ARFGEF3: variants seen among roughly 807,000 people sequenced by gnomAD.
The protein encoded by ARFGEF3 is brefeldin A-inhibited guanine nucleotide-exchange protein 3.
Under a neutral mutation model 221.7 loss-of-function variants are expected in ARFGEF3, and 96 were observed. That is an observed-to-expected ratio of 0.43 (90% CI 0.37 to 0.51). ARFGEF3 has a LOEUF of 0.51. Among genes scored for constraint, ARFGEF3 ranks in the 20% least tolerant of loss-of-function variants. The pLI, the probability that ARFGEF3 is intolerant of heterozygous loss-of-function variation, is 0.00. For synonymous variants in ARFGEF3, 1,145 were observed against 1,126.8 expected (o/e 1.02, Z -0.32); for missense variants, 2,410 against 2,789.9 (o/e 0.86, Z 3.07).
rs539123151 is a variant in ARFGEF3 at position 138,312,461 on chromosome 6, C to G, written c.4200+951C>G. On this transcript the variant is annotated intron_variant, in intron 25 of 33. Transcript: ENST00000251691. ...TGCCTCCCCCAGGCCCCATATGACG[C>G]GACCCCTGCCCGGCTCCCTTTCCAC... is the stretch of plus-strand genomic sequence containing the variant. Among the ~76,000 whole-genome samples the G allele has an allele frequency of 3.3e-5, 5 of 152,186 alleles. No homozygotes were observed. The East Asian group carries it at 9.7e-4, about 29-fold the overall frequency.
At chr6:138,308,334 G>A (rs1438183421) in intron 23 of ARFGEF3, among the ~76,000 whole-genome samples, 1 of 152,198 alleles carries the variant, frequency 6.6e-6, no homozygotes, top group Non-Finnish European at 1.5e-5. Flanking sequence ...AAGAAAAGTG[G>A]TCTCAGGCCT....
At chr6:138,254,459 C>T (rs1417448308) in intron 9 of ARFGEF3, among the ~76,000 whole-genome samples, 5 of 151,356 alleles carry the variant, frequency 3.3e-5, no homozygotes, top group African/African-American at 4.9e-5. Flanking sequence ...AATAATAGGC[C>T]GGGCCCAATG....
At chr6:138,257,489 A>C (rs1778706246) in intron 10 of ARFGEF3, among the ~76,000 whole-genome samples, 2 of 152,216 alleles carry the variant, frequency 1.3e-5, no homozygotes, top group Admixed American at 1.3e-4. Context: ...TCCTCATAGA[A>C]GTGTGATGCC....
chr6:138,182,755 G>A (rs1378499951), intron 2 of ARFGEF3, among the ~76,000 whole-genome samples: 4 of 152,144 alleles, frequency 2.6e-5, no homozygotes, highest in Non-Finnish European at 5.9e-5. Context: ...AAGGGAAGAG[G>A]CTAGGTAACA....
chr6:138,215,983 T>TTG (rs1562356472), intron 4 of ARFGEF3: 2 of 149,956 alleles, frequency 1.3e-5, no homozygotes, highest in African/African-American at 2.5e-5. Flanking sequence ...TGTTGTTGTT[T>TTG]TTTTTTTTGG....
chr6:138,290,077 A>G, intron 18 of ARFGEF3, 109 bp downstream of exon 18: 4 of 1,042,600 alleles, frequency 3.8e-6, no homozygotes, highest in Non-Finnish European at 5.6e-6. Flanking sequence ...CAGCATGTAA[A>G]TCAATTATAA....
At chr6:138,207,206 A>T in intron 3 of ARFGEF3, 83 bp downstream of exon 3, 1 of 1,006,022 alleles carries the variant, frequency 9.9e-7, no homozygotes, top group Non-Finnish European at 1.5e-6. Flanking sequence ...TAACATTTTA[A>T]ATACTGGCTG....
rs145914689 is a variant in ARFGEF3 at position 138,280,462 on chromosome 6, T to A, written c.2461+298T>A. 1.0e-3 allele frequency among the ~76,000 whole-genome samples: 154 copies of A among 152,370 alleles called. 1 individual carries two copies. The highest frequency in any genetic ancestry group is 3.6e-3 in the African/African-American group (150 of 41,592). The stretch of plus-strand genomic sequence containing the variant: ...GCCATATCTATAGGATGTGTAGGCC[T>A]AGGATTATTCCTGGAAGTTCTCACA... On this transcript the variant is annotated intron_variant, in intron 14 of 33. Coordinates refer to ENST00000251691, the MANE Select transcript of ARFGEF3 (RefSeq NM_020340.5).
At chr6:138,188,769 C>A (rs137863204) in intron 2 of ARFGEF3, among the ~76,000 whole-genome samples, 1 of 152,190 alleles carries the variant, frequency 6.6e-6, no homozygotes, top group African/African-American at 2.4e-5. Context: ...ACTTGTTGGG[C>A]AGGTTAATGC....
chr6:138,297,015 G>T, intron 21 of ARFGEF3, 60 bp downstream of exon 21: 1 of 1,547,862 alleles, frequency 6.5e-7, no homozygotes, highest in Non-Finnish European at 8.7e-7. Context: ...AGCAGAGCCA[G>T]CATGGGGGCC....
intron 5 of ARFGEF3, among the ~76,000 whole-genome samples, chr6:138,231,615 A>G (rs1339616955): frequency 6.6e-6 from 1 of 152,224 alleles, no homozygotes; most frequent in Non-Finnish European, 1.5e-5. Context: ...TGCCATTGCC[A>G]CGTTTGAAAT....
At chr6:138,292,665 C>T (rs1779433999) in intron 19 of ARFGEF3, among the ~76,000 whole-genome samples, 1 of 152,152 alleles carries the variant, frequency 6.6e-6, no homozygotes. Context: ...ACCCCCGGCA[C>T]GGGCACAGGG....
intron 27 of ARFGEF3, among the ~76,000 whole-genome samples, chr6:138,317,814 G>A (rs1036538873): frequency 2.0e-5 from 3 of 152,202 alleles, no homozygotes; most frequent in Non-Finnish European, 2.9e-5. Flanking sequence ...AGCTATATGC[G>A]GTATTAAGGC....
chr6:138,221,218 G>A (rs999344940), intron 4 of ARFGEF3, among the ~76,000 whole-genome samples: 1 of 152,170 alleles, frequency 6.6e-6, no homozygotes, highest in African/African-American at 2.4e-5. Context: ...GGCCCCAAGT[G>A]TTTTGGGGGT....
rs780916933 is a variant in ARFGEF3 at position 138,308,790 on chromosome 6, A to G, written c.4025A>G (p.Asp1342Gly). Residue 1342 changes from aspartate (D) to glycine (G), a missense_variant, in exon 24 of 34, where the codon GAC becomes GGC. Around this residue, in one of 5 missense-constraint regions of ARFGEF3, gnomAD observed 723 missense variants for 991.9 expected, o/e 0.73. Transcript: ENST00000251691. ...GTATTTGAAGCTTTTCTCAATACTG[A>G]CAACATCCAGGTCTTTGCTAATGCA... Reference protein sequence around the residue: ...FDVFEAFLNTDNIQVFANAAT... With the variant: ...FDVFEAFLNTGNIQVFANAAT... 2 of 1,613,968 alleles carry G rather than the reference A, an allele frequency of 1.2e-6. No individual in the cohort carries two copies. Among genetic ancestry groups the G allele is most frequent in the Admixed American group, 1.7e-5 (1 of 60,028 alleles).
intron 20 of ARFGEF3, among the ~76,000 whole-genome samples, chr6:138,295,637 A>AAAAAAAG (rs1554256515): frequency 1.3e-5 from 2 of 151,896 alleles, no homozygotes; most frequent in East Asian, 1.9e-4. Context: ...CAAAAAAAAA[A>AAAAAAAG]AAAGAAAGAA....
intron 14 of ARFGEF3, among the ~76,000 whole-genome samples, chr6:138,285,454 CAAAA>C (rs5880380): frequency 1.2e-5 from 1 of 81,198 alleles, no homozygotes; most frequent in Non-Finnish European, 2.7e-5. Context: ...ACTCCCGTCT[CAAAA>C]AAAAAAAAAA....
In ARFGEF3 at chr6:138,323,791, A is replaced by G. The variant is rs547068816; in HGVS notation, c.4869+18A>G. On this transcript the variant is annotated intron_variant, in intron 30 of 33. Coordinates refer to ENST00000251691, the MANE Select transcript of ARFGEF3 (RefSeq NM_020340.5). ...CAGTGAAGGTACATCACTGGGAGGA[A>G]GCCCTCCCTGGCACAGTTCTAACCA... 1.9e-6 allele frequency: 3 copies of G among 1,607,694 alleles called. No individual in the cohort carries two copies. The highest frequency in any genetic ancestry group is 2.2e-5 in the East Asian group (1 of 44,814).
At chr6:138,267,793 G>A (rs374718504) in intron 12 of ARFGEF3, among the ~76,000 whole-genome samples, 1 of 152,100 alleles carries the variant, frequency 6.6e-6, no homozygotes, top group African/African-American at 2.4e-5. Flanking sequence ...TTAGAGTTCC[G>A]TAAATTTCCC....
Sources: allele counts gnomAD v4.1 joint callset (sites outside exome capture counted in the v4.1 genomes callset), GRCh38; gene constraint gnomAD v4.1.1; regional missense constraint gnomAD v4.1.1; transcripts MANE v1.5; gene names NCBI Gene and HGNC (gene_info 2026-07-23, HGNC 2026-07-21).